ST8SIA6: variants seen among roughly 807,000 people sequenced by gnomAD.
ST8SIA6 encodes alpha-2,8-sialyltransferase 8F.
In ST8SIA6, 39 loss-of-function variants were observed where a neutral mutation model predicts 33.6. That is an observed-to-expected ratio of 1.16 (90% CI 0.90 to 1.52). The LOEUF (loss-of-function observed/expected upper bound fraction) is 1.52, where lower values mean the gene tolerates loss of function less well. ST8SIA6 is among the 40% of genes most tolerant of loss of function. The pLI is 0.00. For synonymous variants in ST8SIA6, 172 were observed against 167.2 expected, an observed-to-expected ratio of 1.03 and a Z score of -0.22; for missense variants, 441 against 443.8, an observed-to-expected ratio of 0.99 and a Z score of 0.06.
intron 2 of ST8SIA6, among the ~76,000 whole-genome samples, chr10:17,432,874 T>G (rs1852143321): frequency 6.6e-6 from 1 of 152,196 alleles, no homozygotes. Context: ...GTGTTCAAAC[T>G]GTGTTCAAAT....
chr10:17,417,787 G>T (rs1851650541), intron 2 of ST8SIA6, among the ~76,000 whole-genome samples: 1 of 152,124 alleles, frequency 6.6e-6, no homozygotes, highest in African/African-American at 2.4e-5. Context: ...ACCAGTCCTG[G>T]GCTCTTCACA....
At chr10:17,374,703 G>A (rs937222937) in intron 3 of ST8SIA6, among the ~76,000 whole-genome samples, 17 of 143,654 alleles carry the variant, frequency 1.2e-4, no homozygotes, top group Non-Finnish European at 2.4e-4. Flanking sequence ...GACAGAATGA[G>A]GCTCTGTCTC....
intron 2 of ST8SIA6, among the ~76,000 whole-genome samples, chr10:17,414,529 C>A (rs998587564): frequency 2.6e-5 from 4 of 152,166 alleles, no homozygotes; most frequent in Non-Finnish European, 4.4e-5. Context: ...TAACAAAATA[C>A]CATAAAATGA....
intron 3 of ST8SIA6, among the ~76,000 whole-genome samples, chr10:17,375,934 A>G (rs1849901360): frequency 6.6e-6 from 1 of 152,202 alleles, no homozygotes; most frequent in African/African-American, 2.4e-5. Flanking sequence ...TCAGAATGGT[A>G]GAGCTATTTA....
intron 5 of ST8SIA6, among the ~76,000 whole-genome samples, chr10:17,329,652 A>G (rs1848235726): frequency 6.6e-6 from 1 of 152,246 alleles, no homozygotes; most frequent in Non-Finnish European, 1.5e-5. Flanking sequence ...AGATTACTGA[A>G]GGAAACATAT....
At chr10:17,389,258 C>T (rs1460355750) in intron 3 of ST8SIA6, among the ~76,000 whole-genome samples, 2 of 152,214 alleles carry the variant, frequency 1.3e-5, no homozygotes, top group African/African-American at 2.4e-5. Flanking sequence ...CCCACACAGC[C>T]AGCTCTGCGT....
intron 3 of ST8SIA6, among the ~76,000 whole-genome samples, chr10:17,378,942 T>A (rs369789454): frequency 6.6e-6 from 1 of 151,980 alleles, no homozygotes; most frequent in Non-Finnish European, 1.5e-5. Flanking sequence ...CTGGCTAACA[T>A]GGTGAAACCC....
At position 17,454,314 on chromosome 10, in the gene ST8SIA6, C is replaced by G. The variant is rs1429765216; in HGVS notation, c.-59G>C. On this transcript the variant is annotated 5_prime_UTR_variant, in exon 1 of 8. Coordinates refer to ENST00000377602, the MANE Select transcript of ST8SIA6 (RefSeq NM_001004470.3). This position sits in a 1 kb window ranked among gnomAD's most constrained non-coding sequence, Gnocchi z 4.1. ...CCGGGGCGAAGCACAGCCCGGGCGG[C>G]CCCGACTCGCGGCTCCCGCCGCCGC... 1 of 174,964 alleles carries G rather than the reference C, an allele frequency of 5.7e-6. No individual in the cohort carries two copies. The highest frequency in any genetic ancestry group is 1.6e-4 in the East Asian group (1 of 6,082). 10.8% of individuals were successfully genotyped at this position (174,964 alleles called of 1,614,324 possible). A position where few individuals can be genotyped will look rare whatever the true frequency, so the allele number is the denominator to read the frequency against.
At chr10:17,370,137 C>T (rs948939062) in intron 3 of ST8SIA6, among the ~76,000 whole-genome samples, 1 of 152,056 alleles carries the variant, frequency 6.6e-6, no homozygotes. Flanking sequence ...CCCGCCACCA[C>T]ACCTGGCTAA....
chr10:17,425,384 C>A (rs900905596), intron 2 of ST8SIA6, among the ~76,000 whole-genome samples: 1 of 151,926 alleles, frequency 6.6e-6, no homozygotes, highest in African/African-American at 2.4e-5. Flanking sequence ...GCCTGACCAA[C>A]GTGATGAAAC....
chr10:17,401,035 C>T (rs1465209786), intron 2 of ST8SIA6, among the ~76,000 whole-genome samples: 22 of 152,248 alleles, frequency 1.4e-4, no homozygotes, highest in East Asian at 1.2e-3. Flanking sequence ...AAAACCCCAT[C>T]GTCTCAGCCC....
At chr10:17,336,244 G>A (rs917381552) in intron 4 of ST8SIA6, among the ~76,000 whole-genome samples, 6 of 151,984 alleles carry the variant, frequency 3.9e-5, no homozygotes, top group South Asian at 2.1e-4. Flanking sequence ...TGCCTGAGCC[G>A]CCGCACTGGG....
chr10:17,408,211 C>T (rs1261662886), intron 2 of ST8SIA6: 1 of 152,632 alleles, frequency 6.6e-6, no homozygotes, highest in African/African-American at 2.4e-5. Context: ...CGAAGAAACC[C>T]TGTCGCTTCT....
intron 2 of ST8SIA6, chr10:17,409,907 G>C (rs1851396057): frequency 6.6e-6 from 1 of 152,154 alleles, no homozygotes; most frequent in East Asian, 1.9e-4. Flanking sequence ...AAACCATAGA[G>C]TGATTTCTGG....
chr10:17,392,792 T>G (rs893085847), intron 2 of ST8SIA6, among the ~76,000 whole-genome samples: 1 of 152,070 alleles, frequency 6.6e-6, no homozygotes, highest in Non-Finnish European at 1.5e-5. Context: ...AAAACAAAGG[T>G]TTGTTTCTTG....
chr10:17,333,717 A>T (rs12775212), intron 4 of ST8SIA6, among the ~76,000 whole-genome samples: 16,620 of 33,968 alleles, frequency 0.49, 4,011 homozygotes, highest in East Asian at 0.82. Flanking sequence ...ATATATATAT[A>T]TTTTTTTTTT....
At chr10:17,426,167 T>C (rs540860815) in intron 2 of ST8SIA6, among the ~76,000 whole-genome samples, 1 of 152,268 alleles carries the variant, frequency 6.6e-6, no homozygotes, top group African/African-American at 2.4e-5. Flanking sequence ...TGTTCCCAAG[T>C]GCTGGTGACC....
At chr10:17,447,855 T>C (rs1202989015) in intron 2 of ST8SIA6, among the ~76,000 whole-genome samples, 1 of 152,170 alleles carries the variant, frequency 6.6e-6, no homozygotes, top group East Asian at 1.9e-4. Flanking sequence ...CACTCTGTTG[T>C]CCAGGATAGA....
chr10:17,408,328 C>CT (rs1393599675), intron 2 of ST8SIA6: 1 of 152,568 alleles, frequency 6.6e-6, no homozygotes, highest in Non-Finnish European at 1.5e-5. Context: ...TCAGCAAGTT[C>CT]TTTTTCTCAA....
Sources: gnomAD v4.1 joint callset for allele counts (sites outside exome capture counted in the v4.1 genomes callset) on GRCh38, gnomAD v4.1.1 for gene constraint, Gnocchi (gnomAD v3.1) non-coding constraint, MANE v1.5 for transcripts, NCBI Gene and HGNC (gene_info 2026-07-23, HGNC 2026-07-21) for gene names.